GTF2IRD2B: variants seen among roughly 807,000 people sequenced by gnomAD.
GTF2IRD2B encodes the protein general transcription factor II-I repeat domain-containing protein 2B.
GTF2IRD2B carries 10 observed loss-of-function variants against 55.6 expected under a neutral mutation model. That is an observed-to-expected ratio of 0.18 (90% CI 0.11 to 0.31). GTF2IRD2B has a LOEUF of 0.31. Among genes scored for constraint, GTF2IRD2B ranks in the 10% least tolerant of loss-of-function variants. GTF2IRD2B has a pLI of 1.00. For missense variants in GTF2IRD2B, 206 were observed against 802.7 expected (o/e 0.26, Z 8.98); for synonymous variants, 107 against 320.5 (o/e 0.33, Z 7.12).
At chr7:75,115,856 G>C (rs1243272103) in intron 3 of GTF2IRD2B, among the ~76,000 whole-genome samples, 280 of 151,562 alleles carry the variant, frequency 1.8e-3, no homozygotes, top group African/African-American at 6.4e-3. Context: ...TATTAAGCCT[G>C]CCAATCCATG....
chr7:75,092,660 C>T lies in GTF2IRD2B; in HGVS notation c.-111C>T, dbSNP rs1419528521. 6.5e-6 allele frequency: 1 copy of T among 153,510 alleles called. No individual in the cohort carries two copies. Among genetic ancestry groups the T allele is most frequent in the African/African-American group, 2.4e-5 (1 of 41,496 alleles). The allele number at this position is 153,510 out of a possible 1,614,324, so 9.5% of individuals were successfully genotyped here. A position where few individuals can be genotyped will look rare whatever the true frequency, so the allele number is the denominator to read the frequency against. ...CCACCCACACGCCCCGAAGCGTGCTCGTCCCCCGCGCGGGGCTCCCGGCCG... is the reference window on the plus strand; with the variant it reads ...CCACCCACACGCCCCGAAGCGTGCTTGTCCCCCGCGCGGGGCTCCCGGCCG... On this transcript the variant is annotated 5_prime_UTR_variant, in exon 1 of 16. Transcript: ENST00000472837.
chr7:75,101,809 G>A (rs1309671193), intron 1 of GTF2IRD2B, among the ~76,000 whole-genome samples: 1 of 138,128 alleles, frequency 7.2e-6, no homozygotes, highest in East Asian at 2.3e-4. Context: ...CAGGAGAATC[G>A]CTTGAGCCCA....
chr7:75,123,063 A>C (rs587610506), intron 4 of GTF2IRD2B, 73 bp from the exon 5 acceptor site: 3 of 1,570,728 alleles, frequency 1.9e-6, no homozygotes, highest in Non-Finnish European at 2.6e-6. Context: ...AAAACAAAAA[A>C]CAAAAAACAA....
chr7:75,121,519 C>A (rs1322072975), intron 4 of GTF2IRD2B, among the ~76,000 whole-genome samples: 47 of 148,452 alleles, frequency 3.2e-4, no homozygotes, highest in Admixed American at 4.7e-4. Flanking sequence ...AGTGCATTGG[C>A]ACAATCTCAG....
At chr7:75,130,089 T>TTCTC (rs1195918299) in intron 8 of GTF2IRD2B, among the ~76,000 whole-genome samples, 4 of 127,512 alleles carry the variant, frequency 3.1e-5, no homozygotes, top group Non-Finnish European at 6.8e-5. Context: ...TTAATTTATT[T>TTCTC]TCTCTTTCTT....
rs71229657 is a variant in GTF2IRD2B at position 75,119,191 on chromosome 7, C to CAAAAAAA, written c.239-1666_239-1660dup. On this transcript the variant is annotated intron_variant, in intron 3 of 15. Transcript: ENST00000472837. Reference sequence around the variant, plus strand: ...CTTAGGCGACAGAGTAAGACTCTCTCAAAAAAAAAAAAAAAAAAAAAAAAA... The same window carrying CAAAAAAA: ...CTTAGGCGACAGAGTAAGACTCTCTCAAAAAAAAAAAAAAAAAAAAAAAAAAAAAAAA... Among the ~76,000 whole-genome samples the CAAAAAAA allele has an allele frequency of 7.4e-3, 38 of 5,126 alleles. 9 individuals carry two copies. Among genetic ancestry groups the CAAAAAAA allele is most frequent in the South Asian group, 0.031 (1 of 32 alleles). 3.4% of individuals were successfully genotyped at this position (5,126 alleles called of 152,430 possible). A position where few individuals can be genotyped will look rare whatever the true frequency, so the allele number is the denominator to read the frequency against.
At chr7:75,145,875 TAG>T (rs1809132944) in intron 15 of GTF2IRD2B, among the ~76,000 whole-genome samples, 1 of 101,282 alleles carries the variant, frequency 9.9e-6, no homozygotes, top group African/African-American at 4.2e-5. Context: ...TGGGGTTTTT[TAG>T]AGACAAGGTC....
chr7:75,138,824 TCAA>T (rs1808935198), intron 11 of GTF2IRD2B, 123 bp from the exon 12 acceptor site: 5 of 18,908 alleles, frequency 2.6e-4, no homozygotes, highest in Middle Eastern at 0.023. Flanking sequence ...AGAACCTGTC[TCAA>T]AAAAAAAAAA....
intron 10 of GTF2IRD2B, among the ~76,000 whole-genome samples, chr7:75,136,179 T>C (rs1385822969): frequency 6.2e-4 from 79 of 128,344 alleles, no homozygotes; most frequent in Non-Finnish European, 1.1e-3. Context: ...AATAAAGATT[T>C]CCTTTCCAAA....
intron 4 of GTF2IRD2B, among the ~76,000 whole-genome samples, chr7:75,121,575 C>T (rs1488719883): frequency 7.1e-6 from 1 of 141,768 alleles, no homozygotes; most frequent in Admixed American, 7.0e-5. Context: ...TCTCCCACCC[C>T]AGCCTCCTAA....
chr7:75,105,065 CAT>C (rs1398473990), intron 1 of GTF2IRD2B, among the ~76,000 whole-genome samples: 530 of 152,360 alleles, frequency 3.5e-3, no homozygotes, highest in Non-Finnish European at 6.3e-3. Context: ...GGTGTGGTGG[CAT>C]GCACCTGTAG....
At chr7:75,096,422 A>ATT (rs1189486321) in intron 1 of GTF2IRD2B, among the ~76,000 whole-genome samples, 1 of 23,278 alleles carries the variant, frequency 4.3e-5, no homozygotes, top group East Asian at 6.2e-4. Flanking sequence ...TGCCCAGCTA[A>ATT]TTTTTTTTTT....
intron 8 of GTF2IRD2B, among the ~76,000 whole-genome samples, chr7:75,132,576 G>A (rs1176523477): frequency 1.7e-5 from 1 of 58,770 alleles, no homozygotes; most frequent in African/African-American, 7.7e-5. Flanking sequence ...TTTTTTTTGA[G>A]ATGGAGTCTC....
At chr7:75,114,333 T>C (rs1391226946) in intron 3 of GTF2IRD2B, among the ~76,000 whole-genome samples, 2 of 151,668 alleles carry the variant, frequency 1.3e-5, no homozygotes, top group Admixed American at 6.6e-5. Context: ...TTTTTTAAGA[T>C]TCATAGTTGC....
intron 14 of GTF2IRD2B, 61 bp from the exon 15 acceptor site, chr7:75,143,884 TAAAAC>T: frequency 3.8e-6 from 1 of 264,330 alleles, no homozygotes; most frequent in Non-Finnish European, 7.3e-6. Context: ...TAAAAAAAAA[TAAAAC>T]TAAGTGGGCA....
chr7:75,118,462 T>G (rs1808249747), intron 3 of GTF2IRD2B, among the ~76,000 whole-genome samples: 1 of 151,384 alleles, frequency 6.6e-6, no homozygotes, highest in African/African-American at 2.4e-5. Flanking sequence ...ATCTCGGCCC[T>G]GGGGAGCCAC....
chr7:75,120,977 A>T lies in GTF2IRD2B; in HGVS notation c.325A>T (p.Lys109Ter). The T allele has an allele frequency of 6.2e-7, 1 of 1,614,006 alleles. No homozygotes were observed. The highest frequency in any genetic ancestry group is 8.5e-7 in the Non-Finnish European group (1 of 1,179,852). ...VHSGETEILRKAVEDYFCFCY... is the reference protein window; with the variant it reads ...VHSGETEILR ...CTCGGGCGAAACGGAAATACTCAGG[A>T]AGGCAGTGGAGGACTATTTCTGCTT... is the stretch of plus-strand genomic sequence containing the variant. The change falls in exon 4 of 16, where the codon AAG becomes TAG. Residue 109 changes from lysine to a stop codon, truncating the protein, a stop_gained. Transcript: ENST00000472837. LOFTEE classifies it high-confidence loss of function.
rs1808709580 is a variant in GTF2IRD2B at position 75,132,822 on chromosome 7, G to A, written c.671-313G>A. On this transcript the variant is annotated intron_variant, in intron 8 of 15. Transcript: ENST00000472837. ...CCCGCCTCAGCCTTCCAAAGTACTG[G>A]TATTGGAGGCATGAGTCACCGTGCC... 2.7e-5 allele frequency among the ~76,000 whole-genome samples: 4 copies of A among 149,220 alleles called. No homozygotes were observed. In the South Asian group the frequency reaches 8.3e-4, roughly 31 times the overall value.
chr7:75,096,856 C>T (rs1440399237), intron 1 of GTF2IRD2B, among the ~76,000 whole-genome samples: 22 of 139,716 alleles, frequency 1.6e-4, no homozygotes, highest in African/African-American at 2.3e-4. Flanking sequence ...CCAAGCCCTG[C>T]GGCTCAGTGT....
Sources: gnomAD v4.1 joint callset for allele counts (sites outside exome capture counted in the v4.1 genomes callset) on GRCh38, gnomAD v4.1.1 for gene constraint, MANE v1.5 for transcripts, NCBI Gene and HGNC (gene_info 2026-07-23, HGNC 2026-07-21) for gene names.